The following PCDH15 variants were observed in gnomAD, a reference collection of about 807,000 sequenced individuals.
The protein encoded by PCDH15 is protocadherin-15.
A neutral mutation model predicts 178.5 loss-of-function variants in PCDH15; 129 were observed. The ratio of observed to expected loss-of-function variants is 0.72; its 90% CI spans 0.63 to 0.84. The LOEUF (loss-of-function observed/expected upper bound fraction) is 0.84, where lower values mean the gene tolerates loss of function less well. Among genes scored for constraint, PCDH15 ranks in the 40% least tolerant of loss-of-function variants. The pLI is 0.00. For missense variants in PCDH15, 2,230 were observed against 2,099.9 expected (o/e 1.06, Z -1.21); for synonymous variants, 800 against 732.0 (o/e 1.09, Z -1.50).
intron 1 of PCDH15, among the ~76,000 whole-genome samples, chr10:55,168,587 A>G (rs981885022): frequency 6.6e-6 from 1 of 152,162 alleles, no homozygotes; most frequent in South Asian, 2.1e-4. Flanking sequence ...GGCATTTTGC[A>G]CTGTGCTTTG....
intron 7 of PCDH15, among the ~76,000 whole-genome samples, chr10:54,320,208 C>T (rs2061513620): frequency 6.6e-6 from 1 of 151,968 alleles, no homozygotes; most frequent in Non-Finnish European, 1.5e-5. Context: ...CCATGAATTC[C>T]CTCTGCCAAG....
intron 2 of PCDH15, among the ~76,000 whole-genome samples, chr10:55,433,027 AAAAC>A (rs1211174018): frequency 3.6e-5 from 2 of 56,190 alleles, no homozygotes; most frequent in African/African-American, 2.2e-4. Flanking sequence ...CCGTCTCAAA[AAAAC>A]AAAACAAAAC....
chr10:55,408,640 A>G (rs1464588824), intron 2 of PCDH15, among the ~76,000 whole-genome samples: 1 of 152,198 alleles, frequency 6.6e-6, no homozygotes, highest in Admixed American at 6.5e-5. Flanking sequence ...CCAGAAATTT[A>G]AAAATGGTAT....
chr10:53,982,771 GTAAC>G (rs1210128070), intron 21 of PCDH15, among the ~76,000 whole-genome samples: 6 of 151,648 alleles, frequency 4.0e-5, no homozygotes, highest in Non-Finnish European at 7.4e-5. Context: ...GTATACATAT[GTAAC>G]TAACCTGCAC....
At chr10:54,720,724 G>C (rs936974651) in intron 1 of PCDH15, among the ~76,000 whole-genome samples, 8 of 151,972 alleles carry the variant, frequency 5.3e-5, no homozygotes, top group African/African-American at 1.9e-4. Context: ...TCCAACACCA[G>C]AACACTCTGA....
chr10:55,513,086 GT>G (rs1435936051), intron 2 of PCDH15: 2 of 152,098 alleles, frequency 1.3e-5, no homozygotes, highest in African/African-American at 4.8e-5. Context: ...GTAATAAGAC[GT>G]AAAAAGTAAT....
chr10:55,070,960 T>G (rs1841725425), intron 2 of PCDH15, among the ~76,000 whole-genome samples: 1 of 152,160 alleles, frequency 6.6e-6, no homozygotes. Flanking sequence ...CATTGAGCAG[T>G]GGTTTGTAGT....
intron 2 of PCDH15, among the ~76,000 whole-genome samples, chr10:54,617,687 G>T (rs1177442948): frequency 2.0e-5 from 3 of 150,702 alleles, no homozygotes; most frequent in Non-Finnish European, 3.0e-5. Context: ...ATTCGAGGTG[G>T]GAGGATCACA....
At chr10:53,859,571 C>A (rs1379279086) in intron 27 of PCDH15, among the ~76,000 whole-genome samples, 1 of 151,982 alleles carries the variant, frequency 6.6e-6, no homozygotes, top group Non-Finnish European at 1.5e-5. Context: ...TTTCCACTGT[C>A]TCTTATTTCC....
rs1397267107 is a variant in PCDH15 at position 53,977,937 on chromosome 10, C to A, written c.2869-16045G>T. Among the ~76,000 whole-genome samples the A allele has an allele frequency of 2.0e-5, 3 of 152,350 alleles. No homozygotes were observed. In the East Asian group the frequency reaches 5.8e-4, roughly 29 times the overall value. On this transcript the variant is annotated intron_variant, in intron 21 of 37. Transcript: ENST00000644397. ...CACTCCATATCATATCCAGGTCTCA[C>A]TGATGCTAGAAGTGTGCTGCCATGG... is the stretch of plus-strand genomic sequence containing the variant.
intron 2 of PCDH15, among the ~76,000 whole-genome samples, chr10:55,430,433 A>T (rs1163820591): frequency 6.6e-6 from 1 of 152,212 alleles, no homozygotes; most frequent in Non-Finnish European, 1.5e-5. Context: ...GTTTTGATAT[A>T]TTTTGACATG....
At chr10:54,761,110 C>G (rs974837705) in intron 1 of PCDH15, among the ~76,000 whole-genome samples, 1 of 152,010 alleles carries the variant, frequency 6.6e-6, no homozygotes, top group African/African-American at 2.4e-5. Context: ...TCTACGATGG[C>G]TTACTTTTCA....
At chr10:54,656,950 G>T (rs2094416856) in intron 2 of PCDH15, among the ~76,000 whole-genome samples, 1 of 152,142 alleles carries the variant, frequency 6.6e-6, no homozygotes, top group South Asian at 2.1e-4. Flanking sequence ...TTTTCCAGTG[G>T]TTTTCACAAC....
At chr10:54,542,085 G>A (rs2085302288) in intron 2 of PCDH15, among the ~76,000 whole-genome samples, 1 of 152,136 alleles carries the variant, frequency 6.6e-6, no homozygotes, top group Non-Finnish European at 1.5e-5. Flanking sequence ...TATGTCCTTA[G>A]CTGTCCAGTT....
chr10:53,809,580 C>T lies in PCDH15; in HGVS notation c.4671+976G>A, dbSNP rs370822892. ...TGTGAAAATGCAATTGAAGTGTCAG[C>T]TTGGAGATAGCTATGGTATGACCTT... On this transcript the variant is annotated intron_variant, in intron 37 of 37. Coordinates refer to ENST00000644397, the MANE Select transcript of PCDH15 (RefSeq NM_001384140.1). The T allele has an allele frequency of 7.5e-6, 12 of 1,591,422 alleles. No individual in the cohort carries two copies. The African/African-American group carries it at 1.5e-4, about 20-fold the overall frequency.
chr10:54,266,992 AG>A (rs1323313497), intron 8 of PCDH15, among the ~76,000 whole-genome samples: 8 of 151,936 alleles, frequency 5.3e-5, no homozygotes, highest in Admixed American at 3.3e-4. Context: ...AGAAAACCCT[AG>A]GCCAATATAT....
At chr10:54,934,555 C>A (rs962301460) in intron 2 of PCDH15, among the ~76,000 whole-genome samples, 1 of 151,508 alleles carries the variant, frequency 6.6e-6, no homozygotes, top group South Asian at 2.1e-4. Context: ...GTTAGAATGG[C>A]GATCATTAAA....
intron 3 of PCDH15, among the ~76,000 whole-genome samples, chr10:54,393,736 A>G (rs1950839710): frequency 6.6e-6 from 1 of 152,220 alleles, no homozygotes; most frequent in African/African-American, 2.4e-5. Flanking sequence ...ATCTTCATCT[A>G]TCTTGCCTCA....
chr10:54,207,131 T>A (rs2050878740), intron 10 of PCDH15, among the ~76,000 whole-genome samples: 1 of 152,144 alleles, frequency 6.6e-6, no homozygotes, highest in African/African-American at 2.4e-5. Flanking sequence ...TGTCAGTTTG[T>A]GCTTTTTGAC....
Sources: allele counts gnomAD v4.1 joint callset (sites outside exome capture counted in the v4.1 genomes callset), GRCh38; gene constraint gnomAD v4.1.1; transcripts MANE v1.5; gene names NCBI Gene and HGNC (gene_info 2026-07-23, HGNC 2026-07-21).